KLHDC1: variants seen among roughly 807,000 people sequenced by gnomAD.
KLHDC1 encodes the protein kelch domain containing 1.
Under a neutral mutation model 68.3 loss-of-function variants are expected in KLHDC1, and 53 were observed. The ratio of observed to expected loss-of-function variants is 0.78; its 90% CI spans 0.62 to 0.98. KLHDC1 has a LOEUF of 0.98. KLHDC1 is among the 50% of genes least tolerant of loss of function. The probability of loss-of-function intolerance (pLI) is 0.00; values close to 1 mark genes in which losing one functional copy is unlikely to be tolerated. For synonymous variants in KLHDC1, 148 were observed against 159.0 expected (o/e 0.93, Z 0.52); for missense variants, 470 against 492.3 (o/e 0.95, Z 0.43).
chr14:49,750,883 G>A (rs1004677384), intron 12 of KLHDC1: 3 of 152,112 alleles, frequency 2.0e-5, no homozygotes, highest in African/African-American at 4.8e-5. Flanking sequence ...TTCCTGTATC[G>A]CTCCATTCCT....
intron 1 of KLHDC1, among the ~76,000 whole-genome samples, chr14:49,700,856 G>A (rs1199797169): frequency 2.0e-5 from 3 of 152,064 alleles, no homozygotes; most frequent in Non-Finnish European, 4.4e-5. Context: ...CAAGGCAGGC[G>A]GATCACCTGA....
chr14:49,704,958 TATTG>T (rs574422892), intron 1 of KLHDC1, among the ~76,000 whole-genome samples: 45 of 152,128 alleles, frequency 3.0e-4, no homozygotes, highest in African/African-American at 1.1e-3. Flanking sequence ...AGTTTAGCAG[TATTG>T]GTGGTGGTGA....
At chr14:49,701,078 T>C (rs1459123357) in intron 1 of KLHDC1, among the ~76,000 whole-genome samples, 1 of 141,622 alleles carries the variant, frequency 7.1e-6, no homozygotes, top group East Asian at 2.0e-4. Flanking sequence ...TGAGACTCCA[T>C]CTCAAAAAAA....
intron 6 of KLHDC1, among the ~76,000 whole-genome samples, chr14:49,727,236 A>C (rs1350315795): frequency 1.3e-5 from 2 of 151,832 alleles, no homozygotes. Flanking sequence ...GGGCAACAGA[A>C]TGAGACTCCG....
intron 12 of KLHDC1, among the ~76,000 whole-genome samples, chr14:49,748,721 G>A (rs1001021958): frequency 4.6e-5 from 7 of 151,490 alleles, no homozygotes; most frequent in Non-Finnish European, 8.8e-5. Context: ...ATCGTAGGGG[G>A]TATATATATA....
At chr14:49,718,154 A>G (rs553212170) in intron 4 of KLHDC1, among the ~76,000 whole-genome samples, 2 of 151,616 alleles carry the variant, frequency 1.3e-5, no homozygotes, top group Admixed American at 6.6e-5. Flanking sequence ...CCAAATTGCT[A>G]GGATTACAGG....
chr14:49,732,117 CT>C (rs1324322186), intron 8 of KLHDC1, among the ~76,000 whole-genome samples: 1 of 151,280 alleles, frequency 6.6e-6, no homozygotes, highest in African/African-American at 2.4e-5. Flanking sequence ...AAGGAAGCAG[CT>C]GATTAGCCAA....
chr14:49,746,765 G>GAGAACTCTTTTCATTCTTT (rs1889208117), intron 12 of KLHDC1, among the ~76,000 whole-genome samples: 4 of 152,082 alleles, frequency 2.6e-5, no homozygotes, highest in Admixed American at 2.0e-4. Context: ...CATCTGTGTG[G>GAGAACTCTTTTCATTCTTT]AGAACTCTTT....
At position 49,734,619 on chromosome 14, in the gene KLHDC1, A is replaced by G; in HGVS notation, c.854A>G (p.Asn285Ser). The change falls in exon 10 of 13, where the codon AAT becomes AGT. Residue 285 changes from asparagine (N) to serine (S), a missense_variant. Transcript: ENST00000359332. ...SDGWIHNVTT[N>S]CWKQLTHLPK... ...GGTTGGATTCATAATGTCACAACAA[A>G]TTGTTGGAAACAACTTACACATTTA... The G allele has an allele frequency of 6.9e-6, 11 of 1,599,026 alleles. No homozygotes were observed. Among genetic ancestry groups the G allele is most frequent in the South Asian group, 1.1e-5 (1 of 89,184 alleles).
At chr14:49,731,514 G>A (rs1888808909) in intron 8 of KLHDC1, among the ~76,000 whole-genome samples, 1 of 151,688 alleles carries the variant, frequency 6.6e-6, no homozygotes, top group Non-Finnish European at 1.5e-5. Flanking sequence ...TTGTTGCCCA[G>A]GCTGGAATGC....
At chr14:49,741,133 AAG>A (rs1326438608) in intron 11 of KLHDC1, among the ~76,000 whole-genome samples, 2 of 152,112 alleles carry the variant, frequency 1.3e-5, no homozygotes, top group Non-Finnish European at 2.9e-5. Flanking sequence ...GATACATAAA[AAG>A]AATATTAATA....
At chr14:49,731,762 G>A (rs926399266) in intron 8 of KLHDC1, among the ~76,000 whole-genome samples, 7 of 152,026 alleles carry the variant, frequency 4.6e-5, no homozygotes, top group East Asian at 1.9e-4. Context: ...AGGATGGTCC[G>A]TCCAACTCCT....
intron 12 of KLHDC1, among the ~76,000 whole-genome samples, chr14:49,745,540 T>G (rs1482982153): frequency 1.3e-5 from 2 of 152,184 alleles, no homozygotes; most frequent in Non-Finnish European, 2.9e-5. Flanking sequence ...AAAAAGGAAA[T>G]TGCCTTAAGA....
chr14:49,751,118 C>G (rs1169860136), intron 12 of KLHDC1: 1 of 152,210 alleles, frequency 6.6e-6, no homozygotes, highest in Non-Finnish European at 1.5e-5. Flanking sequence ...AAGTCTGAAT[C>G]ATTTTTACTT....
intron 1 of KLHDC1, among the ~76,000 whole-genome samples, chr14:49,698,796 G>A (rs1367964931): frequency 6.6e-6 from 1 of 152,050 alleles, no homozygotes; most frequent in Non-Finnish European, 1.5e-5. Flanking sequence ...GATTTCAGGT[G>A]TGAGCCACTG....
At chr14:49,728,881 C>CA in intron 6 of KLHDC1, 45 bp from the exon 7 acceptor site, 3 of 1,290,302 alleles carry the variant, frequency 2.3e-6, no homozygotes, top group Non-Finnish European at 3.4e-6. Context: ...AACTTTATTA[C>CA]AGATATTTCA....
At chr14:49,721,278 T>G (rs1162425074) in intron 4 of KLHDC1, among the ~76,000 whole-genome samples, 2 of 152,178 alleles carry the variant, frequency 1.3e-5, no homozygotes, top group East Asian at 3.9e-4. Context: ...GTTCAAGCAA[T>G]CTTCCCACCT....
chr14:49,707,450 C>T (rs1000381587), intron 1 of KLHDC1, among the ~76,000 whole-genome samples: 7 of 141,838 alleles, frequency 4.9e-5, no homozygotes, highest in African/African-American at 1.6e-4. Flanking sequence ...GGGGTTCAAG[C>T]GATTCTCCTG....
chr14:49,735,817 C>T (rs377321883), intron 10 of KLHDC1, among the ~76,000 whole-genome samples: 3 of 152,016 alleles, frequency 2.0e-5, no homozygotes, highest in African/African-American at 7.2e-5. Context: ...TTGAGAGCAG[C>T]CTGGGCAACA....
Sources: allele counts gnomAD v4.1 joint callset (sites outside exome capture counted in the v4.1 genomes callset), GRCh38; gene constraint gnomAD v4.1.1; transcripts MANE v1.5; gene names NCBI Gene and HGNC (gene_info 2026-07-23, HGNC 2026-07-21).